The following CHIA variants were observed in gnomAD, a reference collection of about 807,000 sequenced individuals.
The protein encoded by CHIA is acidic mammalian chitinase.
Under a neutral mutation model 53.5 loss-of-function variants are expected in CHIA, and 47 were observed. The observed-to-expected ratio is 0.88, with a 90% CI of 0.70 to 1.12. The LOEUF is 1.12. CHIA is among the 50% of genes most tolerant of loss of function. The probability of loss-of-function intolerance (pLI) is 0.00; values close to 1 mark genes in which losing one functional copy is unlikely to be tolerated. For missense variants in CHIA, 652 were observed against 592.2 expected (o/e 1.10, Z -1.05); for synonymous variants, 268 against 222.2 (o/e 1.21, Z -1.83).
At chr1:111,294,093 A>G (rs1661196853) in intron 1 of CHIA, among the ~76,000 whole-genome samples, 1 of 152,164 alleles carries the variant, frequency 6.6e-6, no homozygotes, top group African/African-American at 2.4e-5. Context: ...AAAAACAATG[A>G]CAACAAAGAA....
In CHIA at chr1:111,318,487, T is replaced by G. The variant is rs373901095; in HGVS notation, c.730-6T>G. Reference sequence around the variant, plus strand: ...GGGCCATGTAACTAACCCACTGACATTGCAGGATTATGTCATGAACTACTG... The same window carrying G: ...GGGCCATGTAACTAACCCACTGACAGTGCAGGATTATGTCATGAACTACTG... On this transcript the variant is annotated splice_region_variant and splice_polypyrimidine_tract_variant and intron_variant, in intron 8 of 11. Coordinates refer to ENST00000369740, the MANE Select transcript of CHIA (RefSeq NM_201653.4). 212 of 1,611,376 alleles carry G rather than the reference T, an allele frequency of 1.3e-4. No homozygotes were observed. In the Middle Eastern group the frequency reaches 2.0e-3, roughly 15 times the overall value.
In CHIA at chr1:111,311,690, T is replaced by G; in HGVS notation, c.27T>G (p.Gly9=). Residue 9 remains glycine (G), a splice_region_variant and synonymous_variant, in exon 3 of 12, where the codon GGT becomes GGG. Coordinates refer to ENST00000369740, the MANE Select transcript of CHIA (RefSeq NM_201653.4). MTKLILLT[G]LVLILNLQLG... ...TACATGCTTTTTCTTTCTATCCAGGTCTTGTCCTTATACTGAATTTGCAGC... is the reference window on the plus strand; with the variant it reads ...TACATGCTTTTTCTTTCTATCCAGGGCTTGTCCTTATACTGAATTTGCAGC... 1 of 1,613,994 alleles carries G rather than the reference T, an allele frequency of 6.2e-7. No individual in the cohort carries two copies. The highest frequency in any genetic ancestry group is 8.5e-7 in the Non-Finnish European group (1 of 1,179,934).
chr1:111,315,642 T>C lies in CHIA; in HGVS notation c.480+207T>C, dbSNP rs1649095935. On this transcript the variant is annotated intron_variant, in intron 6 of 11. Transcript: ENST00000369740. ...ATGTGAGCTCTGTGCCAGGCACTGCTCTACATGTTGTTTTAAGAACCATAA... is the reference window on the plus strand; with the variant it reads ...ATGTGAGCTCTGTGCCAGGCACTGCCCTACATGTTGTTTTAAGAACCATAA... 5.0e-6 allele frequency: 3 copies of C among 603,038 alleles called. No homozygotes were observed. The South Asian group carries it at 5.7e-5, about 11-fold the overall frequency. 37.4% of individuals were successfully genotyped at this position (603,038 alleles called of 1,614,324 possible).
chr1:111,295,146 T>A (rs1661262551), intron 1 of CHIA, among the ~76,000 whole-genome samples: 1 of 152,224 alleles, frequency 6.6e-6, no homozygotes, highest in African/African-American at 2.4e-5. Context: ...TCTCAAGTCA[T>A]CTGGTCTACA....
chr1:111,302,085 T>C (rs1647803721), intron 1 of CHIA, among the ~76,000 whole-genome samples: 1 of 152,234 alleles, frequency 6.6e-6, no homozygotes, highest in Admixed American at 6.5e-5. Context: ...CTTTTTATTT[T>C]TTATAGTCAG....
At position 111,315,421 on chromosome 1, in the gene CHIA, A is replaced by T; in HGVS notation, c.466A>T (p.Thr156Ser). The change falls in exon 6 of 12, where the codon ACT becomes TCT. Residue 156 changes from threonine to serine, a missense_variant. By Grantham distance (58) the Thr-to-Ser change is moderately conservative. Transcript: ENST00000369740. ...GSPPQDKHLFTVLVQEMREAF... is the reference protein window; with the variant it reads ...GSPPQDKHLFSVLVQEMREAF... ...CCCTCCTCAGGACAAGCATCTCTTCACTGTCCTGGTGCAGGTGGGGAAGGA... is the reference window on the plus strand; with the variant it reads ...CCCTCCTCAGGACAAGCATCTCTTCTCTGTCCTGGTGCAGGTGGGGAAGGA... 6.2e-7 allele frequency: 1 copy of T among 1,613,880 alleles called. No individual in the cohort carries two copies. The highest frequency in any genetic ancestry group is 8.5e-7 in the Non-Finnish European group (1 of 1,179,888).
chr1:111,302,000 C>G (rs1307034243), intron 1 of CHIA, among the ~76,000 whole-genome samples: 1 of 151,994 alleles, frequency 6.6e-6, no homozygotes, highest in Non-Finnish European at 1.5e-5. Context: ...ATATGTATAG[C>G]TATGTAACAA....
chr1:111,312,099 C>CA (rs767494822), intron 3 of CHIA, 91 bp from the exon 4 acceptor site: 37 of 961,602 alleles, frequency 3.8e-5, no homozygotes, highest in Non-Finnish European at 5.7e-5. Context: ...ATCTGAGGCA[C>CA]AGGGAGGGAA....
intron 1 of CHIA, among the ~76,000 whole-genome samples, chr1:111,296,429 C>G (rs1234732301): frequency 6.6e-6 from 1 of 152,196 alleles, no homozygotes; most frequent in Non-Finnish European, 1.5e-5. Context: ...CCCAGGCAAA[C>G]AGGGTCTGGA....
intron 6 of CHIA, chr1:111,316,305 A>G (rs376825624): frequency 1.3e-5 from 2 of 156,414 alleles, no homozygotes; most frequent in East Asian, 1.9e-4. Context: ...AGAATTTTAA[A>G]TAGTAGAGAG....
chr1:111,305,654 C>G (rs1236671106), intron 1 of CHIA, among the ~76,000 whole-genome samples: 1 of 152,194 alleles, frequency 6.6e-6, no homozygotes, highest in Non-Finnish European at 1.5e-5. Flanking sequence ...TCTAGAGTTC[C>G]AAAGTAGTTG....
intron 8 of CHIA, 82 bp from the exon 9 acceptor site, chr1:111,318,411 C>T: frequency 1.7e-6 from 2 of 1,192,080 alleles, no homozygotes; most frequent in Non-Finnish European, 2.4e-6. Flanking sequence ...TAGAGTTTTA[C>T]CTGTCGGAAT....
chr1:111,309,944 G>A (rs954031541), intron 1 of CHIA, among the ~76,000 whole-genome samples: 15 of 152,172 alleles, frequency 9.9e-5, no homozygotes, highest in African/African-American at 3.6e-4. Flanking sequence ...AAGAACATGT[G>A]TGAGTAGAAT....
At chr1:111,291,996 A>C (rs1661054078) in intron 1 of CHIA, among the ~76,000 whole-genome samples, 1 of 152,190 alleles carries the variant, frequency 6.6e-6, no homozygotes, top group South Asian at 2.1e-4. Context: ...AAAATAAAAT[A>C]GAATTAAATT....
At chr1:111,316,797 C>T (rs11102246) in intron 6 of CHIA, 74,737 of 151,920 alleles carry the variant, frequency 0.49, 19,331 homozygotes, top group Middle Eastern at 0.62. Flanking sequence ...AGATCGTCAC[C>T]CAGCCTCTGA....
chr1:111,291,618 G>T (rs183295324), intron 1 of CHIA, among the ~76,000 whole-genome samples: 50 of 152,028 alleles, frequency 3.3e-4, no homozygotes, highest in Non-Finnish European at 3.4e-4. Context: ...CATGGCACAC[G>T]TATACCTATG....
At chr1:111,305,113 A>G (rs1648073740) in intron 1 of CHIA, among the ~76,000 whole-genome samples, 1 of 152,098 alleles carries the variant, frequency 6.6e-6, no homozygotes, top group Non-Finnish European at 1.5e-5. Context: ...TGCTGAGAAT[A>G]AGCCTGAAAT....
At chr1:111,291,833 G>C (rs191790121) in intron 1 of CHIA, among the ~76,000 whole-genome samples, 1,661 of 150,816 alleles carry the variant, frequency 0.011, 35 homozygotes, top group African/African-American at 0.037. Flanking sequence ...GGCCTGTCGG[G>C]GGGGGGTGGG....
At chr1:111,304,080 A>T (rs1647984943) in intron 1 of CHIA, among the ~76,000 whole-genome samples, 1 of 152,052 alleles carries the variant, frequency 6.6e-6, no homozygotes, top group Non-Finnish European at 1.5e-5. Flanking sequence ...CTGGCCTCTA[A>T]AGTTTCTGAT....
Sources: allele counts gnomAD v4.1 joint callset (sites outside exome capture counted in the v4.1 genomes callset), GRCh38; gene constraint gnomAD v4.1.1; transcripts MANE v1.5; gene names NCBI Gene and HGNC (gene_info 2026-07-23, HGNC 2026-07-21).